The following DCAF12 variants were observed in gnomAD, a reference collection of about 807,000 sequenced individuals.
The protein encoded by DCAF12 is DDB1 and CUL4 associated factor 12.
A neutral mutation model predicts 52.8 loss-of-function variants in DCAF12; 28 were observed. The ratio of observed to expected loss-of-function variants is 0.53; its 90% confidence interval spans 0.39 to 0.73. The LOEUF (loss-of-function observed/expected upper bound fraction) is 0.73. DCAF12 is among the 30% of genes least tolerant of loss of function. The pLI is 0.00. For missense variants in DCAF12, 425 were observed against 552.2 expected (o/e 0.77, Z 2.31); for synonymous variants, 196 against 215.5 (o/e 0.91, Z 0.79).
At chr9:34,089,267 C>CG (rs1180768717) in intron 8 of DCAF12, 145 bp downstream of exon 8, 1 of 916,134 alleles carries the variant, frequency 1.1e-6, no homozygotes. Flanking sequence ...AAAGCAAAAT[C>CG]GGGGGAAGTC....
intron 6 of DCAF12, 35 bp from the exon 7 acceptor site, chr9:34,093,483 G>A: frequency 6.2e-7 from 1 of 1,608,850 alleles, no homozygotes; most frequent in Non-Finnish European, 8.5e-7. Context: ...CATGGCATCA[G>A]CAGAGAGGGT....
intron 2 of DCAF12, among the ~76,000 whole-genome samples, chr9:34,112,886 G>A (rs376289249): frequency 5.3e-5 from 8 of 152,178 alleles, no homozygotes; most frequent in African/African-American, 1.4e-4. Context: ...CAATAAGAGC[G>A]AAACTCTGTC....
At chr9:34,122,426 T>G (rs576643046) in intron 2 of DCAF12, among the ~76,000 whole-genome samples, 1 of 151,996 alleles carries the variant, frequency 6.6e-6, no homozygotes, top group South Asian at 2.1e-4. Flanking sequence ...TCCTTAACAT[T>G]CACCCTGCCA....
chr9:34,103,855 T>C (rs1554700401), intron 4 of DCAF12, among the ~76,000 whole-genome samples: 1 of 151,860 alleles, frequency 6.6e-6, no homozygotes, highest in Non-Finnish European at 1.5e-5. Flanking sequence ...ACAACAACAG[T>C]AACAACAACA....
chr9:34,101,385 T>C (rs976780864), intron 4 of DCAF12, among the ~76,000 whole-genome samples: 1 of 142,002 alleles, frequency 7.0e-6, no homozygotes, highest in Non-Finnish European at 1.5e-5. Flanking sequence ...AATTCCTTTA[T>C]TATTTATTTA....
At chr9:34,104,007 G>A (rs754584131) in intron 4 of DCAF12, among the ~76,000 whole-genome samples, 4 of 152,134 alleles carry the variant, frequency 2.6e-5, no homozygotes, top group South Asian at 2.1e-4. Context: ...AGTGGCTCAC[G>A]CCTGAAATTC....
At chr9:34,093,226 G>A in intron 7 of DCAF12, 60 bp downstream of exon 7, 4 of 1,594,354 alleles carry the variant, frequency 2.5e-6, no homozygotes, top group Non-Finnish European at 3.4e-6. Flanking sequence ...CAAAGAAACT[G>A]AAAGTCAGAA....
intron 3 of DCAF12, among the ~76,000 whole-genome samples, chr9:34,106,868 T>C (rs1828911907): frequency 6.6e-6 from 1 of 152,194 alleles, no homozygotes; most frequent in Non-Finnish European, 1.5e-5. Context: ...CTTTATCTTC[T>C]GATACAGCAT....
intron 4 of DCAF12, among the ~76,000 whole-genome samples, chr9:34,105,448 T>TA (rs1182605797): frequency 6.6e-6 from 1 of 151,632 alleles, no homozygotes; most frequent in African/African-American, 2.4e-5. Flanking sequence ...AAAAAGGTAC[T>TA]AAAAAAAGAC....
At chr9:34,104,991 T>A (rs902630629) in intron 4 of DCAF12, among the ~76,000 whole-genome samples, 2 of 151,078 alleles carry the variant, frequency 1.3e-5, no homozygotes, top group African/African-American at 4.9e-5. Context: ...ATTAACCAAC[T>A]AAAAAATATG....
chr9:34,109,156 C>T (rs1273299044), intron 2 of DCAF12: 1 of 152,248 alleles, frequency 6.6e-6, no homozygotes, highest in African/African-American at 2.4e-5. Context: ...TCCCTTTACC[C>T]AAAAACAGAA....
At chr9:34,097,243 T>C (rs1345079579) in intron 5 of DCAF12, among the ~76,000 whole-genome samples, 2 of 150,698 alleles carry the variant, frequency 1.3e-5, no homozygotes, top group Non-Finnish European at 3.0e-5. Flanking sequence ...TCTGGGTGTA[T>C]ATTCTGACAC....
chr9:34,088,296 C>A lies in DCAF12; in HGVS notation c.*54G>T. The A allele has an allele frequency of 1.3e-6, 2 of 1,483,900 alleles. No homozygotes were observed. Among genetic ancestry groups the A allele is most frequent in the Non-Finnish European group, 1.8e-6 (2 of 1,118,316 alleles). The allele number at this position is 1,483,900 out of a possible 1,614,324, so 91.9% of individuals were successfully genotyped here. A position where few individuals can be genotyped will look rare whatever the true frequency, so the allele number is the denominator to read the frequency against. ...TTAGGAAAAAAAAAATCAAAAGAAA[C>A]AAGGAAACTGAGAATGGAAGTTAGT... On this transcript the variant is annotated 3_prime_UTR_variant, in exon 9 of 9. Coordinates refer to ENST00000361264, the MANE Select transcript of DCAF12 (RefSeq NM_015397.4).
At chr9:34,116,153 T>G (rs894216902) in intron 2 of DCAF12, among the ~76,000 whole-genome samples, 1 of 148,946 alleles carries the variant, frequency 6.7e-6, no homozygotes, top group Non-Finnish European at 1.5e-5. Context: ...AGGTCAGGAG[T>G]TCAAGACCAG....
At chr9:34,097,470 C>G (rs1299422498) in intron 5 of DCAF12, among the ~76,000 whole-genome samples, 2 of 151,780 alleles carry the variant, frequency 1.3e-5, no homozygotes, top group Non-Finnish European at 2.9e-5. Flanking sequence ...TTGGCCCAGG[C>G]TAGTCTCAAA....
chr9:34,101,064 C>A (rs375189578), intron 4 of DCAF12, among the ~76,000 whole-genome samples: 1 of 118,354 alleles, frequency 8.4e-6, no homozygotes, highest in Non-Finnish European at 1.7e-5. Flanking sequence ...CCCTCCCCAA[C>A]TTTTTTTTTT....
At chr9:34,104,466 T>C (rs186067414) in intron 4 of DCAF12, among the ~76,000 whole-genome samples, 1 of 152,292 alleles carries the variant, frequency 6.6e-6, no homozygotes, top group African/African-American at 2.4e-5. Flanking sequence ...TATGCTGTGC[T>C]ATAAAATTTG....
intron 6 of DCAF12, among the ~76,000 whole-genome samples, chr9:34,093,985 C>A (rs575132053): frequency 6.6e-6 from 1 of 152,190 alleles, no homozygotes; most frequent in African/African-American, 2.4e-5. Context: ...GTTAGCAAAT[C>A]CTCAGTGGGT....
At chr9:34,116,004 A>G (rs1039712171) in intron 2 of DCAF12, among the ~76,000 whole-genome samples, 2 of 152,202 alleles carry the variant, frequency 1.3e-5, no homozygotes, top group Admixed American at 1.3e-4. Context: ...ATGGCAATGA[A>G]CATTCTTTTA....
Sources: allele counts gnomAD v4.1 joint callset (sites outside exome capture counted in the v4.1 genomes callset), GRCh38; gene constraint gnomAD v4.1.1; transcripts MANE v1.5; gene names NCBI Gene and HGNC (gene_info 2026-07-23, HGNC 2026-07-21).